Variants in APBB2 observed in about 807,000 individuals in gnomAD.
APBB2 encodes the protein Fe65-like 1.
In APBB2, 38 loss-of-function variants were observed where a neutral mutation model predicts 82.5. The observed-to-expected ratio is 0.46, with a 90% CI of 0.36 to 0.60. APBB2 has a LOEUF of 0.60. Ranked by LOEUF, APBB2 falls within the 20% of genes least tolerant of loss-of-function variation. APBB2 has a pLI of 0.00. For missense variants in APBB2, 772 were observed against 972.3 expected, an observed-to-expected ratio of 0.79 and a Z score of 2.74; for synonymous variants, 341 against 368.2, an observed-to-expected ratio of 0.93 and a Z score of 0.85.
intron 1 of APBB2, among the ~76,000 whole-genome samples, chr4:41,196,134 G>C: frequency 6.6e-6 from 1 of 151,164 alleles, no homozygotes; most frequent in Non-Finnish European, 1.5e-5. Flanking sequence ...ACTCCAGCCT[G>C]GTCGACAGAG....
chr4:40,905,455 G>A (rs1216866051), intron 10 of APBB2, among the ~76,000 whole-genome samples: 5 of 152,216 alleles, frequency 3.3e-5, no homozygotes, highest in African/African-American at 4.8e-5. Context: ...GAGTTCCCAG[G>A]ATATAAAACT....
chr4:41,098,393 G>A (rs995679270), intron 3 of APBB2, among the ~76,000 whole-genome samples: 6 of 151,952 alleles, frequency 3.9e-5, no homozygotes, highest in African/African-American at 1.5e-4. Flanking sequence ...TCGTTGTCCA[G>A]GCTAGTCTTG....
At chr4:41,033,824 C>T (rs148308319) in intron 4 of APBB2, among the ~76,000 whole-genome samples, 132 of 152,116 alleles carry the variant, frequency 8.7e-4, no homozygotes, top group African/African-American at 3.1e-3. Context: ...AAAATATGAA[C>T]AAGTCTGTAG....
At chr4:40,885,764 C>A (rs1261883831) in intron 12 of APBB2, among the ~76,000 whole-genome samples, 1 of 152,160 alleles carries the variant, frequency 6.6e-6, no homozygotes, top group Non-Finnish European at 1.5e-5. Context: ...CTAATGACAG[C>A]AATATTTCCT....
At chr4:41,068,010 A>G (rs1445923319) in intron 3 of APBB2, among the ~76,000 whole-genome samples, 1 of 152,162 alleles carries the variant, frequency 6.6e-6, no homozygotes, top group Non-Finnish European at 1.5e-5. Flanking sequence ...AAGGGTCAGG[A>G]GTACAGATGA....
intron 1 of APBB2, among the ~76,000 whole-genome samples, chr4:41,160,023 G>GAAGAAGAA: frequency 6.8e-6 from 1 of 147,196 alleles, no homozygotes; most frequent in Non-Finnish European, 1.5e-5. Flanking sequence ...AGAAGAAGAA[G>GAAGAAGAA]AAGAAGAAGA....
chr4:41,132,784 C>T (rs1393361009), intron 2 of APBB2, among the ~76,000 whole-genome samples: 1 of 152,062 alleles, frequency 6.6e-6, no homozygotes, highest in Non-Finnish European at 1.5e-5. Flanking sequence ...CCTCTGAACT[C>T]CCAGAGGACA....
chr4:41,092,436 G>C (rs1177893068), intron 3 of APBB2, among the ~76,000 whole-genome samples: 1 of 152,150 alleles, frequency 6.6e-6, no homozygotes, highest in Non-Finnish European at 1.5e-5. Context: ...TTAGTTTAAA[G>C]CGCAGAACTA....
chr4:41,112,280 T>C (rs994362504), intron 2 of APBB2, among the ~76,000 whole-genome samples: 1 of 152,190 alleles, frequency 6.6e-6, no homozygotes, highest in Non-Finnish European at 1.5e-5. Context: ...CCAAGTTATA[T>C]TCCCTCAGTC....
Position 40,863,891 on chromosome 4 carries a change from C to CAA in APBB2, c.1529+26471_1529+26472dup, listed in dbSNP as rs60135616. Reference sequence around the variant, plus strand: ...CCTGGGTGACAGAGGGAGACTGTCTCAAAAAAAAAAAAAAAAAAAAAAAAA... The same window carrying CAA: ...CCTGGGTGACAGAGGGAGACTGTCTCAAAAAAAAAAAAAAAAAAAAAAAAAAA... On this transcript the variant is annotated intron_variant, in intron 12 of 17. Coordinates refer to ENST00000508593, the MANE Select transcript of APBB2 (RefSeq NM_004307.2). Among the ~76,000 whole-genome samples the CAA allele has an allele frequency of 5.6e-3, 182 of 32,676 alleles. 5 individuals are homozygous for CAA. Among genetic ancestry groups the CAA allele is most frequent in the African/African-American group, 7.7e-3 (69 of 8,972 alleles). 21.4% of individuals were successfully genotyped at this position (32,676 alleles called of 152,430 possible).
chr4:41,111,020 A>C (rs978640677), intron 2 of APBB2, among the ~76,000 whole-genome samples: 14 of 152,162 alleles, frequency 9.2e-5, no homozygotes, highest in Non-Finnish European at 1.8e-4. Flanking sequence ...GTGATGGGAG[A>C]CAGTACCAGA....
intron 12 of APBB2, among the ~76,000 whole-genome samples, chr4:40,868,423 C>T (rs1372682314): frequency 2.0e-5 from 3 of 152,144 alleles, no homozygotes; most frequent in Non-Finnish European, 2.9e-5. Flanking sequence ...ATCATTGAAG[C>T]GAGCTGTATA....
At position 40,816,212 on chromosome 4, in the gene APBB2, A is replaced by C. The variant is rs375064552; in HGVS notation, c.2160T>G (p.Val720=). 6.2e-6 allele frequency: 10 copies of C among 1,614,094 alleles called. No homozygotes were observed. In the Admixed American group the frequency reaches 8.3e-5, roughly 13 times the overall value. The change falls in exon 18 of 18, where the codon GTT becomes GTG. Residue 720 remains valine, a synonymous_variant. Transcript: ENST00000508593. ...CLVARPPSQK[V]RPPPPPADSV... ...AATCTGCTGGCGGTGGAGGTGGTCG[A>C]ACTTTCTGAGAAGGCGGCCTGGCTA...
Position 40,816,211 on chromosome 4 carries a change from G to C in APBB2, c.2161C>G (p.Arg721Gly). Residue 721 changes from arginine to glycine, a missense_variant, in exon 18 of 18, where the codon CGA (arginine) becomes GGA (glycine). Coordinates refer to ENST00000508593, the MANE Select transcript of APBB2 (RefSeq NM_004307.2). ...GAATCTGCTGGCGGTGGAGGTGGTC[G>C]AACTTTCTGAGAAGGCGGCCTGGCT... ...LVARPPSQKV[R>G]PPPPPADSVT... 1 of 1,614,166 alleles carries C rather than the reference G, an allele frequency of 6.2e-7. No individual in the cohort carries two copies. The highest frequency in any genetic ancestry group is 2.2e-5 in the East Asian group (1 of 44,886).
intron 12 of APBB2, among the ~76,000 whole-genome samples, chr4:40,846,332 A>AAC (rs1757645543): frequency 6.7e-6 from 1 of 150,038 alleles, no homozygotes; most frequent in Non-Finnish European, 1.5e-5. Context: ...ACTCCAAAAA[A>AAC]AAAAAAAAAA....
At chr4:41,019,995 CAGAG>C (rs907664914) in intron 5 of APBB2, among the ~76,000 whole-genome samples, 1 of 151,468 alleles carries the variant, frequency 6.6e-6, no homozygotes, top group Non-Finnish European at 1.5e-5. Flanking sequence ...GAGGAAGAGA[CAGAG>C]AGACAGAAAG....
At chr4:41,033,183 G>A (rs1283295388) in intron 5 of APBB2, 53 bp downstream of exon 5, 3 of 1,116,596 alleles carry the variant, frequency 2.7e-6, no homozygotes, top group Non-Finnish European at 4.0e-6. Flanking sequence ...CTTTTTTTAA[G>A]TTTTAATATT....
At chr4:41,112,894 G>A (rs1482858090) in intron 2 of APBB2, among the ~76,000 whole-genome samples, 1 of 152,094 alleles carries the variant, frequency 6.6e-6, no homozygotes, top group East Asian at 1.9e-4. Flanking sequence ...GGCTGAGGCA[G>A]AAGAACTGCT....
chr4:41,214,133 C>T (rs1381990903), intron 1 of APBB2, among the ~76,000 whole-genome samples: 2 of 152,204 alleles, frequency 1.3e-5, no homozygotes, highest in Non-Finnish European at 2.9e-5. Context: ...AGCCCGCAGT[C>T]GCCGTGCCAC....
Sources: allele counts gnomAD v4.1 joint callset (sites outside exome capture counted in the v4.1 genomes callset), GRCh38; gene constraint gnomAD v4.1.1; transcripts MANE v1.5; gene names NCBI Gene and HGNC (gene_info 2026-07-23, HGNC 2026-07-21).